The following BMPER variants were observed in gnomAD, a reference collection of about 807,000 sequenced individuals.
BMPER encodes BMP binding endothelial regulator, also known as BMP-binding endothelial regulator protein.
BMPER carries 45 observed loss-of-function variants against 87.3 expected under a neutral mutation model. The ratio of observed to expected loss-of-function variants is 0.52; its 90% CI spans 0.41 to 0.66. The LOEUF (loss-of-function observed/expected upper bound fraction) is 0.66. Among genes scored for constraint, BMPER ranks in the 30% least tolerant of loss-of-function variants. The pLI, the probability that BMPER is intolerant of heterozygous loss-of-function variation, is 0.00. For synonymous variants in BMPER, 326 were observed against 316.2 expected (o/e 1.03, Z -0.33); for missense variants, 784 against 867.5 (o/e 0.90, Z 1.21).
chr7:33,942,194 G>A (rs1404973646), intron 3 of BMPER, among the ~76,000 whole-genome samples: 2 of 152,064 alleles, frequency 1.3e-5, no homozygotes, highest in African/African-American at 4.8e-5. Context: ...GTGTATAAAC[G>A]GTGTTTCTCA....
intron 13 of BMPER, among the ~76,000 whole-genome samples, chr7:34,140,652 TCAA>T (rs968533103): frequency 1.0e-4 from 7 of 67,596 alleles, no homozygotes; most frequent in South Asian, 9.4e-4. Flanking sequence ...CTCAACAGTC[TCAA>T]TGATTGGATT....
At chr7:34,031,173 T>C (rs1787507968) in intron 6 of BMPER, among the ~76,000 whole-genome samples, 2 of 152,112 alleles carry the variant, frequency 1.3e-5, no homozygotes, top group Non-Finnish European at 1.5e-5. Flanking sequence ...CTGTTTTTTT[T>C]CTTTCAGAAA....
chr7:33,937,289 A>G lies in BMPER; in HGVS notation c.220A>G (p.Asn74Asp), dbSNP rs144030074. 2.6e-3 allele frequency: 4,121 copies of G among 1,613,806 alleles called. 9 individuals carry two copies. Among genetic ancestry groups the G allele is most frequent in the Non-Finnish European group, 3.0e-3 (3,539 of 1,179,728 alleles). Residue 74 changes from asparagine (N) to aspartate (D), a missense_variant and splice_region_variant, in exon 3 of 15, where the codon AAC becomes GAC. Asn to Asp is a conservative substitution (Grantham distance 23). Coordinates refer to ENST00000649409, the MANE Select transcript of BMPER (RefSeq NM_001365308.1). ...ATCTCTCGTGTCTCTTTTTGTCTAG[A>G]ACAAGGAAGTGACATGTAAGAGAGA... ...DNPCIMCVCLNKEVTCKREKC... is the reference protein window; with the variant it reads ...DNPCIMCVCLDKEVTCKREKC...
intron 3 of BMPER, among the ~76,000 whole-genome samples, chr7:33,952,490 G>A (rs1050619816): frequency 1.3e-5 from 2 of 152,202 alleles, no homozygotes; most frequent in African/African-American, 4.8e-5. Flanking sequence ...ATTCTAGGTA[G>A]AAACTTGGGG....
intron 11 of BMPER, among the ~76,000 whole-genome samples, chr7:34,076,734 T>G (rs1788874927): frequency 6.6e-6 from 1 of 152,116 alleles, no homozygotes; most frequent in Non-Finnish European, 1.5e-5. Flanking sequence ...CTTTAATTAA[T>G]GATAATTTTA....
intron 2 of BMPER, among the ~76,000 whole-genome samples, chr7:33,920,418 G>GTTTTTT (rs879327540): frequency 0.011 from 1,117 of 99,756 alleles, 63 homozygotes; most frequent in East Asian, 0.029. Context: ...AAACTCCGTT[G>GTTTTTT]TGTTTTTTTT....
intron 12 of BMPER, 54 bp from the exon 13 acceptor site, chr7:34,085,702 A>C: frequency 6.8e-7 from 1 of 1,475,726 alleles, no homozygotes; most frequent in South Asian, 1.2e-5. Context: ...ACATTTGGGA[A>C]TTATTAGTGC....
chr7:33,935,205 A>G (rs1336265995), intron 2 of BMPER, among the ~76,000 whole-genome samples: 2 of 152,150 alleles, frequency 1.3e-5, no homozygotes, highest in African/African-American at 4.8e-5. Flanking sequence ...GGGTGAGGGA[A>G]GGAGTTCTGG....
At chr7:33,931,133 C>T (rs1040029201) in intron 2 of BMPER, among the ~76,000 whole-genome samples, 4 of 152,196 alleles carry the variant, frequency 2.6e-5, no homozygotes, top group African/African-American at 9.7e-5. Flanking sequence ...AGGGCAGAAA[C>T]GTGGCAGGAG....
chr7:33,974,615 C>T, intron 5 of BMPER, 87 bp from the exon 6 acceptor site: 2 of 1,311,822 alleles, frequency 1.5e-6, no homozygotes, highest in South Asian at 2.4e-5. Flanking sequence ...TGGAGGTGGG[C>T]AACGGATGAA....
intron 4 of BMPER, among the ~76,000 whole-genome samples, chr7:33,966,880 A>G (rs1333382338): frequency 6.6e-6 from 1 of 152,242 alleles, no homozygotes. Flanking sequence ...ATCTTTGAGC[A>G]AAACATGAAT....
At chr7:33,966,397 C>A in intron 3 of BMPER, 82 bp from the exon 4 acceptor site, 1 of 1,231,136 alleles carries the variant, frequency 8.1e-7, no homozygotes, top group Non-Finnish European at 1.2e-6. Flanking sequence ...GCTTAGAGAA[C>A]ATAACTTATT....
At chr7:34,035,793 T>C (rs1408687646) in intron 6 of BMPER, among the ~76,000 whole-genome samples, 1 of 152,234 alleles carries the variant, frequency 6.6e-6, no homozygotes, top group Non-Finnish European at 1.5e-5. Context: ...ACCTTCAACC[T>C]ACTTTGGGAC....
rs1461277139 is a variant in BMPER at position 33,974,730 on chromosome 7, A to C, written c.522A>C (p.Gln174His). 6.2e-7 allele frequency: 1 copy of C among 1,613,924 alleles called. No homozygotes were observed. Among genetic ancestry groups the C allele is most frequent in the East Asian group, 2.2e-5 (1 of 44,872 alleles). The change falls in exon 6 of 15, where the codon CAA (glutamine) becomes CAC (histidine). Residue 174 changes from glutamine (Q) to histidine (H), a missense_variant. Coordinates refer to ENST00000649409, the MANE Select transcript of BMPER (RefSeq NM_001365308.1). ...GTGTGTTTGAGGGTGTGCAGTATCA[A>C]GAAGGGGAGGAATTTCAGCCAGAAG... is the stretch of plus-strand genomic sequence containing the variant. ...PGCVFEGVQY[Q>H]EGEEFQPEGS... is the part of the protein sequence containing the mutation.
chr7:34,000,801 A>G (rs966300831), intron 6 of BMPER, among the ~76,000 whole-genome samples: 3 of 152,112 alleles, frequency 2.0e-5, no homozygotes, highest in African/African-American at 7.2e-5. Context: ...CCATTTCACC[A>G]TTAAGTATGA....
At chr7:34,086,814 T>G (rs931493079) in intron 13 of BMPER, among the ~76,000 whole-genome samples, 3 of 152,180 alleles carry the variant, frequency 2.0e-5, no homozygotes, top group Non-Finnish European at 4.4e-5. Flanking sequence ...TCTGAGTTGA[T>G]GAGTTTGGCC....
chr7:33,988,623 T>G (rs954900626), intron 6 of BMPER, among the ~76,000 whole-genome samples: 4 of 152,166 alleles, frequency 2.6e-5, no homozygotes, highest in Non-Finnish European at 4.4e-5. Flanking sequence ...TTAATTATTT[T>G]TTTAATTATA....
intron 13 of BMPER, among the ~76,000 whole-genome samples, chr7:34,092,032 C>G (rs1789398893): frequency 6.6e-6 from 1 of 152,200 alleles, no homozygotes; most frequent in Non-Finnish European, 1.5e-5. Context: ...TCCTAGCCTG[C>G]CTTTCACTGG....
intron 2 of BMPER, among the ~76,000 whole-genome samples, chr7:33,924,975 T>C (rs919523405): frequency 6.6e-6 from 1 of 152,200 alleles, no homozygotes; most frequent in African/African-American, 2.4e-5. Context: ...AGGATCTTTT[T>C]CTGATCACTG....
Sources: allele counts gnomAD v4.1 joint callset (sites outside exome capture counted in the v4.1 genomes callset), GRCh38; gene constraint gnomAD v4.1.1; transcripts MANE v1.5; gene names NCBI Gene and HGNC (gene_info 2026-07-23, HGNC 2026-07-21).